The following NIN variants were observed in gnomAD, a reference collection of about 807,000 sequenced individuals.
The protein encoded by NIN is ninein, also known as glycogen synthase kinase 3 beta-interacting protein.
In NIN, 137 loss-of-function variants were observed where a neutral mutation model predicts 257.6. The observed-to-expected ratio is 0.53, with a 90% CI of 0.46 to 0.61. NIN has a LOEUF of 0.61. Ranked by LOEUF, NIN falls within the 20% of genes least tolerant of loss-of-function variation. The pLI, the probability that NIN is intolerant of heterozygous loss-of-function variation, is 0.00. For synonymous variants in NIN, 918 were observed against 919.8 expected (o/e 1.00, Z 0.04); for missense variants, 2,439 against 2,501.2 (o/e 0.98, Z 0.53).
chr14:50,830,290 G>T (rs1262002679), intron 2 of NIN, among the ~76,000 whole-genome samples, 174 bp downstream of exon 2: 2 of 152,344 alleles, frequency 1.3e-5, no homozygotes, highest in South Asian at 2.1e-4. Context: ...CAAACCCAGC[G>T]GTGCTGCCGC....
rs1253949763 is a variant in NIN, at chr14:50,757,820, C to T, written c.3210G>A (p.Leu1070=). Residue 1070 remains leucine, a synonymous_variant, in exon 18 of 31, where the codon CTG becomes CTA. Transcript: ENST00000530997. Reference sequence around the variant, plus strand: ...TCACTGCCTGTTCATGAGCTCTCTGCAGGCTTAAGAGGACGTCCCCATTTT... The same window carrying T: ...TCACTGCCTGTTCATGAGCTCTCTGTAGGCTTAAGAGGACGTCCCCATTTT... The part of the protein sequence containing the change: ...LEENGDVLLS[L]QRAHEQAVKE... 6.2e-7 allele frequency: 1 copy of T among 1,614,150 alleles called. No homozygotes were observed. Among genetic ancestry groups the T allele is most frequent in the African/African-American group, 1.3e-5 (1 of 75,036 alleles).
chr14:50,803,216 T>C (rs1212318333), intron 4 of NIN, among the ~76,000 whole-genome samples: 1 of 151,928 alleles, frequency 6.6e-6, no homozygotes, highest in Non-Finnish European at 1.5e-5. Flanking sequence ...GAGCCAGGCG[T>C]AGTGGTGGGT....
At chr14:50,806,697 T>A in intron 4 of NIN, 40 bp downstream of exon 4, 1 of 1,166,472 alleles carries the variant, frequency 8.6e-7, no homozygotes. Context: ...CCGGACAACT[T>A]TTAAAGGGGA....
At chr14:50,797,098 A>G (rs147542315) in intron 4 of NIN, among the ~76,000 whole-genome samples, 3 of 152,308 alleles carry the variant, frequency 2.0e-5, no homozygotes, top group Admixed American at 6.5e-5. Context: ...GTTAAAGGAG[A>G]TTTTTCAAAG....
Position 50,726,000 on chromosome 14 carries a change from G to T in NIN, c.6145C>A (p.Leu2049Ile). ...RMIEVEQKLK[L>I]VKRLLQEKVN... ...TTCTCTTGAAGAAGCCTTTTCACTA[G>T]TTTCAGTTTCTGTTCAACTTCTATC... The change falls in exon 30 of 31, where the codon CTA becomes ATA. Residue 2049 changes from leucine to isoleucine, a missense_variant. This residue lies in a region of NIN where 2,043 missense variants were observed against 2,050.2 expected (regional missense o/e 1.00). Transcript: ENST00000530997. 6.2e-7 allele frequency: 1 copy of T among 1,614,086 alleles called. No individual in the cohort carries two copies. Among genetic ancestry groups the T allele is most frequent in the Non-Finnish European group, 8.5e-7 (1 of 1,179,962 alleles).
At chr14:50,729,477 AG>A (rs754653324) in intron 29 of NIN, 45 bp downstream of exon 29, 49 of 1,547,862 alleles carry the variant, frequency 3.2e-5, no homozygotes, top group Non-Finnish European at 4.2e-5. Context: ...TCAAATAAAC[AG>A]GTAAAATTAA....
intron 14 of NIN, among the ~76,000 whole-genome samples, chr14:50,765,099 G>A (rs1455703963): frequency 7.1e-6 from 1 of 141,316 alleles, no homozygotes; most frequent in Non-Finnish European, 1.5e-5. Flanking sequence ...AAAATTAGGC[G>A]TTTGGCAGAC....
At chr14:50,827,742 G>A (rs2045524468) in intron 2 of NIN, among the ~76,000 whole-genome samples, 1 of 128,444 alleles carries the variant, frequency 7.8e-6, no homozygotes, top group Admixed American at 9.0e-5. Context: ...AGGAGAGAGC[G>A]AGAGACTCCG....
At chr14:50,743,553 G>C (rs1186309851) in intron 23 of NIN, 24 bp from the exon 24 acceptor site, 1 of 1,483,218 alleles carries the variant, frequency 6.7e-7, no homozygotes, top group African/African-American at 1.4e-5. Flanking sequence ...GGAAAAAGAG[G>C]TAAGAGGGCA....
intron 3 of NIN, among the ~76,000 whole-genome samples, chr14:50,818,330 A>C (rs2045029696): frequency 6.6e-6 from 1 of 151,812 alleles, no homozygotes; most frequent in Non-Finnish European, 1.5e-5. Context: ...AAAAAAAAAA[A>C]AAAAAAAAAC....
intron 29 of NIN, 120 bp downstream of exon 29, chr14:50,729,403 G>T: frequency 1.1e-6 from 1 of 904,552 alleles, no homozygotes; most frequent in Non-Finnish European, 1.6e-6. Context: ...CCAAGTAGCT[G>T]GGACTACAGG....
In NIN at chr14:50,830,516, C is replaced by A. The variant is rs1461183346; in HGVS notation, c.-74G>T. The A allele has an allele frequency of 6.0e-6, 1 of 167,576 alleles. No individual in the cohort carries two copies. Among genetic ancestry groups the A allele is most frequent in the Non-Finnish European group, 1.5e-5 (1 of 68,304 alleles). 10.4% of individuals were successfully genotyped at this position (167,576 alleles called of 1,614,324 possible). ...CACAGCCGGCAGCCCGCCTCCAGCG[C>A]TCTGCAAAGCGAAGGAGGACGCTTT... On this transcript the variant is annotated splice_region_variant and 5_prime_UTR_variant, in exon 2 of 31. Coordinates refer to ENST00000530997, the MANE Select transcript of NIN (RefSeq NM_020921.4).
chr14:50,758,028 G>C lies in NIN; in HGVS notation c.3002C>G (p.Ala1001Gly). ...ENIHKATCET[A>G]DRERAEMSTE... ...GCTCATCTCGGCTCTTTCTCGATCTGCTGTCTCACAGGTCGCTTTGTGAAT... is the reference window on the plus strand; with the variant it reads ...GCTCATCTCGGCTCTTTCTCGATCTCCTGTCTCACAGGTCGCTTTGTGAAT... The change falls in exon 18 of 31, where the codon GCA (alanine) becomes GGA (glycine). Residue 1001 changes from alanine to glycine, a missense_variant. Ala to Gly is a moderately conservative substitution (Grantham distance 60, BLOSUM62 0). Transcript: ENST00000530997. 1 of 1,614,204 alleles carries C rather than the reference G, an allele frequency of 6.2e-7. No individual in the cohort carries two copies. The highest frequency in any genetic ancestry group is 2.2e-5 in the East Asian group (1 of 44,874).
chr14:50,821,726 G>T lies in NIN; in HGVS notation c.183+148C>A, dbSNP rs1799350315. On this transcript the variant is annotated intron_variant, in intron 3 of 30. Coordinates refer to ENST00000530997, the MANE Select transcript of NIN (RefSeq NM_020921.4). Reference sequence around the variant, plus strand: ...TTGTCACCCTAGCAAACTGGACTGTGATGTCACACCCATTACATTCTTCTT... The same window carrying T: ...TTGTCACCCTAGCAAACTGGACTGTTATGTCACACCCATTACATTCTTCTT... 1.7e-5 allele frequency: 12 copies of T among 689,320 alleles called. No homozygotes were observed. The South Asian group carries it at 1.9e-4, about 11-fold the overall frequency. 42.7% of individuals were successfully genotyped at this position (689,320 alleles called of 1,614,324 possible).
intron 2 of NIN, 73 bp from the exon 3 acceptor site, chr14:50,822,150 T>A: frequency 2.8e-6 from 3 of 1,069,884 alleles, no homozygotes; most frequent in Non-Finnish European, 4.2e-6. Context: ...ACCTGGCACA[T>A]TCCCGTTCTC....
chr14:50,806,583 T>G (rs1045092537), intron 4 of NIN, 154 bp downstream of exon 4: 1 of 520,718 alleles, frequency 1.9e-6, no homozygotes. Context: ...GCAAAGCTTT[T>G]ATGATAATAT....
chr14:50,809,794 T>G (rs1402275745), intron 3 of NIN, among the ~76,000 whole-genome samples: 1 of 152,214 alleles, frequency 6.6e-6, no homozygotes, highest in African/African-American at 2.4e-5. Flanking sequence ...CCCTTGAATA[T>G]GGTATGACAA....
At chr14:50,746,056 A>G (rs900251456) in intron 22 of NIN, among the ~76,000 whole-genome samples, 1 of 151,146 alleles carries the variant, frequency 6.6e-6, no homozygotes, top group Non-Finnish European at 1.5e-5. Context: ...AAAAAAAGCA[A>G]TAAAAACGTG....
Position 50,760,231 on chromosome 14 carries a change from T to C in NIN, c.2025A>G (p.Glu675=). ...CTGCTTGCCCCTGAAGTTCAGCAAT[T>C]TCATTTTTAAGGTCACTTATTTGTT... ...LEKQISDLKN[E]IAELQGQAAV... Residue 675 remains glutamate (E), a synonymous_variant, in exon 17 of 31, where the codon GAA becomes GAG. Coordinates refer to ENST00000530997, the MANE Select transcript of NIN (RefSeq NM_020921.4). 6.2e-7 allele frequency: 1 copy of C among 1,613,504 alleles called. No individual in the cohort carries two copies.
Sources: allele counts gnomAD v4.1 joint callset (sites outside exome capture counted in the v4.1 genomes callset), GRCh38; gene constraint gnomAD v4.1.1; regional missense constraint gnomAD v4.1.1; transcripts MANE v1.5; gene names NCBI Gene and HGNC (gene_info 2026-07-23, HGNC 2026-07-21).